Variants in ITGA9 observed in about 807,000 individuals in gnomAD.
ITGA9 encodes integrin subunit alpha 9.
In ITGA9, 56 loss-of-function variants were observed where a neutral mutation model predicts 127.8. The observed-to-expected ratio is 0.44, with a 90% confidence interval of 0.35 to 0.55. ITGA9 has a LOEUF of 0.55. ITGA9 is among the 20% of genes least tolerant of loss of function. The pLI is 0.00. For missense variants in ITGA9, 1,196 were observed against 1,347.1 expected, an observed-to-expected ratio of 0.89 and a Z score of 1.76; for synonymous variants, 508 against 514.5, an observed-to-expected ratio of 0.99 and a Z score of 0.17.
chr3:37,637,755 C>T (rs879885124), intron 16 of ITGA9, among the ~76,000 whole-genome samples: 2 of 152,162 alleles, frequency 1.3e-5, no homozygotes, highest in Admixed American at 6.5e-5. Flanking sequence ...CCACTGTAAC[C>T]TCCACCTCCC....
At chr3:37,730,794 A>G (rs368237129) in intron 18 of ITGA9, among the ~76,000 whole-genome samples, 2 of 152,100 alleles carry the variant, frequency 1.3e-5, no homozygotes, top group Non-Finnish European at 2.9e-5. Context: ...ACCTTGGGGG[A>G]AGGGCTAAGG....
chr3:37,790,477 C>G, intron 26 of ITGA9: 1 of 332,890 alleles, frequency 3.0e-6, no homozygotes, highest in South Asian at 2.8e-5. Context: ...GTTTACGCCA[C>G]TTGTGGGAAC....
chr3:37,722,545 A>G (rs541897589), intron 18 of ITGA9, among the ~76,000 whole-genome samples: 13 of 152,340 alleles, frequency 8.5e-5, no homozygotes, highest in African/African-American at 3.1e-4. Flanking sequence ...GACATTGTGT[A>G]TAAGTGGAAT....
In ITGA9 at chr3:37,704,538, A is replaced by G. The variant is rs1019180193; in HGVS notation, c.2067+20523A>G. On this transcript the variant is annotated intron_variant, in intron 18 of 27. Transcript: ENST00000264741. ...AGCACTGAACGACTGGAAGTAGAGT[A>G]TGATGTGAAGTCTTACCCTTTGTGA... is the stretch of plus-strand genomic sequence containing the variant. Among the ~76,000 whole-genome samples the G allele has an allele frequency of 2.6e-5, 4 of 152,206 alleles. No homozygotes were observed. In the South Asian group the frequency reaches 8.3e-4, roughly 31 times the overall value.
chr3:37,610,650 C>T (rs1482977300), intron 15 of ITGA9, among the ~76,000 whole-genome samples: 1 of 152,178 alleles, frequency 6.6e-6, no homozygotes, highest in Admixed American at 6.5e-5. Flanking sequence ...GCAGGTAGCC[C>T]AGTCATGCAC....
At chr3:37,754,302 A>G (rs1230356733) in intron 23 of ITGA9, among the ~76,000 whole-genome samples, 1 of 152,206 alleles carries the variant, frequency 6.6e-6, no homozygotes, top group African/African-American at 2.4e-5. Flanking sequence ...AAAAACCTGT[A>G]TCTGTGAGCA....
Position 37,756,564 on chromosome 3 carries a change from C to T in ITGA9, c.2541+5995C>T, listed in dbSNP as rs368878754. The stretch of plus-strand genomic sequence containing the variant: ...CTCCCTTGTTTACCAGCTATGGCAA[C>T]CTATAGGAAGTTACCTTAACTCCCC... On this transcript the variant is annotated intron_variant, in intron 23 of 27. Coordinates refer to ENST00000264741, the MANE Select transcript of ITGA9 (RefSeq NM_002207.3). Among the ~76,000 whole-genome samples the T allele has an allele frequency of 4.6e-5, 7 of 152,174 alleles. No individual in the cohort carries two copies. In the East Asian group the frequency reaches 1.2e-3, roughly 25 times the overall value.
At chr3:37,765,893 C>T (rs1397188463) in intron 23 of ITGA9, among the ~76,000 whole-genome samples, 1 of 152,218 alleles carries the variant, frequency 6.6e-6, no homozygotes, top group East Asian at 1.9e-4. Flanking sequence ...GCTGCTGTGA[C>T]ATCTGGAAGC....
intron 15 of ITGA9, among the ~76,000 whole-genome samples, chr3:37,580,865 C>T (rs934909310): frequency 1.6e-4 from 25 of 152,116 alleles, no homozygotes; most frequent in Non-Finnish European, 3.4e-4. Flanking sequence ...CCAAAAGACA[C>T]GGGTATGAAT....
chr3:37,567,807 G>C (rs1699562262), intron 15 of ITGA9, among the ~76,000 whole-genome samples: 1 of 152,322 alleles, frequency 6.6e-6, no homozygotes, highest in African/African-American at 2.4e-5. Flanking sequence ...GGCTCCCATG[G>C]ACTTGGGCAG....
Position 37,741,763 on chromosome 3 carries a change from C to A in ITGA9, c.2268C>A (p.Asp756Glu). ...GNTERSESLH[D>E]NTLVLMVPLM... ...CGGAGCGCTCTGAATCCCTGCATGA[C>A]AACACCCTCGTGCTGATGGTGCCAC... The change falls in exon 21 of 28, where the codon GAC becomes GAA. Residue 756 changes from aspartate to glutamate, a missense_variant. Asp to Glu is a conservative substitution (Grantham distance 45). Coordinates refer to ENST00000264741, the MANE Select transcript of ITGA9 (RefSeq NM_002207.3). 2.5e-6 allele frequency: 4 copies of A among 1,613,916 alleles called. No individual in the cohort carries two copies. Among genetic ancestry groups the A allele is most frequent in the Non-Finnish European group, 3.4e-6 (4 of 1,179,922 alleles).
intron 15 of ITGA9, among the ~76,000 whole-genome samples, chr3:37,593,785 CG>C (rs912784977): frequency 9.9e-5 from 15 of 152,202 alleles, no homozygotes; most frequent in African/African-American, 3.4e-4. Context: ...CTCTAAGCTG[CG>C]GGGAAAGGGA....
chr3:37,768,850 A>G (rs1696809307), intron 23 of ITGA9, among the ~76,000 whole-genome samples: 1 of 151,814 alleles, frequency 6.6e-6, no homozygotes, highest in Non-Finnish European at 1.5e-5. Context: ...CATGGGGAAC[A>G]CTACTGTCAT....
intron 18 of ITGA9, among the ~76,000 whole-genome samples, chr3:37,706,732 A>G (rs781192904): frequency 1.3e-5 from 2 of 152,226 alleles, no homozygotes; most frequent in Non-Finnish European, 2.9e-5. Flanking sequence ...TGGGCCAGAA[A>G]GAAGTGACAC....
Position 37,616,096 on chromosome 3 carries a change from G to A in ITGA9, c.1690-13091G>A, listed in dbSNP as rs530283344. Among the ~76,000 whole-genome samples the A allele has an allele frequency of 3.4e-3, 521 of 152,270 alleles. 2 individuals are homozygous for A. Among genetic ancestry groups the A allele is most frequent in the Middle Eastern group, 0.017 (5 of 294 alleles). On this transcript the variant is annotated intron_variant, in intron 15 of 27. Transcript: ENST00000264741. ...AGATCTTTCCTGCTTTCTCTTGTGG[G>A]CATTTAGTGCTGTAAATTTCCCTCT...
intron 17 of ITGA9, among the ~76,000 whole-genome samples, chr3:37,656,210 T>C (rs1700476299): frequency 6.6e-6 from 1 of 152,188 alleles, no homozygotes; most frequent in South Asian, 2.1e-4. Context: ...TTTAAAGTAG[T>C]TTTTTCTAAT....
intron 18 of ITGA9, among the ~76,000 whole-genome samples, chr3:37,722,239 C>T (rs1701197926): frequency 6.6e-6 from 1 of 152,160 alleles, no homozygotes; most frequent in Non-Finnish European, 1.5e-5. Flanking sequence ...TCCACCTATA[C>T]CAGGTATAAT....
chr3:37,530,717 G>GTTGTTTTTTTTT (rs1699141239), intron 13 of ITGA9, among the ~76,000 whole-genome samples: 1 of 86,240 alleles, frequency 1.2e-5, no homozygotes, highest in African/African-American at 4.8e-5. Context: ...CAGCTACCAG[G>GTTGTTTTTTTTT]TTTTTTTTTT....
At chr3:37,723,724 G>T (rs1413978168) in intron 18 of ITGA9, among the ~76,000 whole-genome samples, 1 of 152,178 alleles carries the variant, frequency 6.6e-6, no homozygotes, top group Admixed American at 6.5e-5. Context: ...GGCTGCATGT[G>T]CTGCGACGGC....
Sources: allele counts gnomAD v4.1 joint callset (sites outside exome capture counted in the v4.1 genomes callset), GRCh38; gene constraint gnomAD v4.1.1; transcripts MANE v1.5; gene names NCBI Gene and HGNC (gene_info 2026-07-23, HGNC 2026-07-21).